The following STK24 variants were observed in gnomAD, a reference collection of about 807,000 sequenced individuals.
STK24 encodes the protein serine/threonine kinase 24, also known as serine/threonine-protein kinase 24.
A neutral mutation model predicts 55.6 loss-of-function variants in STK24; 21 were observed. The ratio of observed to expected loss-of-function variants is 0.38; its 90% CI spans 0.27 to 0.54. The LOEUF (loss-of-function observed/expected upper bound fraction) is 0.54. STK24 is among the 20% of genes least tolerant of loss of function. STK24 has a pLI of 0.79. For missense variants in STK24, 383 were observed against 538.4 expected, an observed-to-expected ratio of 0.71 and a Z score of 2.86; for synonymous variants, 200 against 215.2, an observed-to-expected ratio of 0.93 and a Z score of 0.62.
At chr13:98,575,905 A>C (rs1303877464) in intron 1 of STK24, 2 of 463,132 alleles carry the variant, frequency 4.3e-6, no homozygotes, top group East Asian at 1.5e-4. Context: ...ACAACAACAA[A>C]AAACCTTTAA....
Position 98,449,747 on chromosome 13 carries a change from A to C in STK24, c.*3426T>G, listed in dbSNP as rs540090922. On this transcript the variant is annotated 3_prime_UTR_variant, in exon 11 of 11. Coordinates refer to ENST00000539966, the MANE Select transcript of STK24 (RefSeq NM_001032296.4). ...AATACCTCACGCCACAATCCAGCAT[A>C]TTGATGTTTTAAGGCAAAACAACCA... 4.1e-5 allele frequency: 6 copies of C among 144,678 alleles called. No individual in the cohort carries two copies. The highest frequency in any genetic ancestry group is 7.5e-5 in the Non-Finnish European group (5 of 66,612). The allele number at this position is 144,678 out of a possible 1,614,324, so 9.0% of individuals were successfully genotyped here.
intron 1 of STK24, among the ~76,000 whole-genome samples, chr13:98,555,622 G>T (rs1250194364): frequency 6.7e-6 from 1 of 149,412 alleles, no homozygotes; most frequent in Non-Finnish European, 1.5e-5. Context: ...ACTCTCAACA[G>T]AAAACTCCTG....
chr13:98,483,733 G>A (rs754216636), intron 2 of STK24, among the ~76,000 whole-genome samples: 16 of 152,224 alleles, frequency 1.1e-4, no homozygotes, highest in Non-Finnish European at 1.6e-4. Context: ...CAGGGACAGC[G>A]CTGGTGTGCT....
chr13:98,459,467 G>A (rs1233893776), intron 9 of STK24, among the ~76,000 whole-genome samples: 1 of 152,226 alleles, frequency 6.6e-6, no homozygotes, highest in East Asian at 1.9e-4. Flanking sequence ...CTGCTGGGCA[G>A]GGCAACAGGT....
At chr13:98,456,506 C>T (rs766618839) in intron 10 of STK24, 38 of 516,276 alleles carry the variant, frequency 7.4e-5, no homozygotes, top group East Asian at 5.2e-4. Flanking sequence ...TGCCTCCAAA[C>T]GCCTGCACTT....
At chr13:98,560,295 G>A (rs1156295890) in intron 1 of STK24, among the ~76,000 whole-genome samples, 1 of 152,152 alleles carries the variant, frequency 6.6e-6, no homozygotes, top group East Asian at 1.9e-4. Flanking sequence ...CACCTTGTAC[G>A]GGATGAAAAC....
At chr13:98,552,813 A>G (rs77562849) in intron 1 of STK24, among the ~76,000 whole-genome samples, 2,373 of 152,212 alleles carry the variant, frequency 0.016, 60 homozygotes, top group African/African-American at 0.048. Context: ...GTAGGGCCAA[A>G]AGGACACGTT....
At chr13:98,457,350 C>T in intron 9 of STK24, 46 bp from the exon 10 acceptor site, 4 of 1,612,374 alleles carry the variant, frequency 2.5e-6, no homozygotes, top group Middle Eastern at 1.7e-4. Context: ...ACACCAGCTG[C>T]AAAACTGGGA....
At chr13:98,533,563 T>C (rs1250041466) in intron 1 of STK24, among the ~76,000 whole-genome samples, 1 of 151,670 alleles carries the variant, frequency 6.6e-6, no homozygotes, top group Non-Finnish European at 1.5e-5. Context: ...GGTGGGAGAA[T>C]CACTTGAGCC....
intron 1 of STK24, chr13:98,576,073 G>C: frequency 2.0e-6 from 2 of 984,538 alleles, no homozygotes; most frequent in Non-Finnish European, 2.4e-6. Flanking sequence ...TCCCGGGGCC[G>C]GGCCCGGGAC....
At chr13:98,516,644 T>G (rs1240042730) in intron 2 of STK24, among the ~76,000 whole-genome samples, 4 of 152,158 alleles carry the variant, frequency 2.6e-5, no homozygotes, top group Non-Finnish European at 4.4e-5. Flanking sequence ...CACGTGAGCC[T>G]CCATTTCTCC....
chr13:98,475,206 C>T, intron 4 of STK24, 44 bp downstream of exon 4: 1 of 1,544,378 alleles, frequency 6.5e-7, no homozygotes, highest in Non-Finnish European at 8.9e-7. Flanking sequence ...AACCCCACCA[C>T]CACCTTCAGT....
chr13:98,565,234 C>A (rs962385152), intron 1 of STK24, among the ~76,000 whole-genome samples: 1 of 152,160 alleles, frequency 6.6e-6, no homozygotes, highest in Non-Finnish European at 1.5e-5. Flanking sequence ...AGAACACAAA[C>A]TCCCTCCGAG....
In STK24 at chr13:98,463,678, G is replaced by C; in HGVS notation, c.929+13C>G. The C allele has an allele frequency of 6.2e-7, 1 of 1,612,518 alleles. No individual in the cohort carries two copies. The highest frequency in any genetic ancestry group is 8.5e-7 in the Non-Finnish European group (1 of 1,178,918). ...CCCACACACATGCTTGGGTCACTCA[G>C]GGGCCGACTTACGCGTCGGAATCCT... is the stretch of plus-strand genomic sequence containing the variant. On this transcript the variant is annotated intron_variant, in intron 7 of 10. Coordinates refer to ENST00000539966, the MANE Select transcript of STK24 (RefSeq NM_001032296.4).
chr13:98,542,944 T>C (rs1896928684), intron 1 of STK24: 2 of 985,244 alleles, frequency 2.0e-6, no homozygotes, highest in Non-Finnish European at 2.4e-6. Context: ...GTGGAGACGA[T>C]GGGACGGAGT....
rs1892867260 is a variant in STK24, at chr13:98,446,770, G to C, written c.*6403C>G. The C allele has an allele frequency of 6.2e-7, 1 of 1,614,158 alleles. No individual in the cohort carries two copies. The highest frequency in any genetic ancestry group is 8.5e-7 in the Non-Finnish European group (1 of 1,180,028). On this transcript the variant is annotated 3_prime_UTR_variant, in exon 11 of 11. Coordinates refer to ENST00000539966, the MANE Select transcript of STK24 (RefSeq NM_001032296.4). ...ACTACGTGTTCAAGCTGCACTTCAA[G>C]TCCCACGTCTACTACTTCAGGGCGG...
intron 1 of STK24, among the ~76,000 whole-genome samples, chr13:98,550,363 A>T (rs1217895597): frequency 2.6e-5 from 4 of 152,054 alleles, no homozygotes; most frequent in Non-Finnish European, 5.9e-5. Flanking sequence ...ACATAGGGGG[A>T]ACCTGTCCCT....
intron 9 of STK24, 57 bp from the exon 10 acceptor site, chr13:98,457,361 A>C: frequency 6.2e-7 from 1 of 1,611,814 alleles, no homozygotes; most frequent in Non-Finnish European, 8.5e-7. Context: ...AAAACTGGGA[A>C]GCATGCTGTT....
intron 2 of STK24, among the ~76,000 whole-genome samples, chr13:98,487,326 T>G (rs1408777156): frequency 6.6e-6 from 1 of 152,234 alleles, no homozygotes; most frequent in African/African-American, 2.4e-5. Flanking sequence ...AATAATTTCA[T>G]GTTTTTTCAA....
Sources: allele counts gnomAD v4.1 joint callset (sites outside exome capture counted in the v4.1 genomes callset), GRCh38; gene constraint gnomAD v4.1.1; transcripts MANE v1.5; gene names NCBI Gene and HGNC (gene_info 2026-07-23, HGNC 2026-07-21).